The following PGAP1 variants were observed in gnomAD, a reference collection of about 807,000 sequenced individuals.
PGAP1 encodes the protein post-GPI attachment to proteins inositol deacylase 1, also known as GPI inositol-deacylase.
PGAP1 carries 76 observed loss-of-function variants against 127.0 expected under a neutral mutation model. The ratio of observed to expected loss-of-function variants is 0.60; its 90% CI spans 0.50 to 0.72. The LOEUF is 0.72. PGAP1 is among the 30% of genes least tolerant of loss of function. The probability of loss-of-function intolerance (pLI) is 0.00; values close to 1 mark genes in which losing one functional copy is unlikely to be tolerated. For synonymous variants in PGAP1, 362 were observed against 366.5 expected, an observed-to-expected ratio of 0.99 and a Z score of 0.14; for missense variants, 982 against 1,071.3, an observed-to-expected ratio of 0.92 and a Z score of 1.16.
rs7603016 is a variant in PGAP1, at chr2:196,867,219, A to T, written c.1768-2139T>A. ...TGCGGCACTGTTCACAATAGCAAAG[A>T]CTTGGAATCAACCCATCAATGATAG... On this transcript the variant is annotated intron_variant, in intron 19 of 26. Transcript: ENST00000354764. 3.1e-3 allele frequency among the ~76,000 whole-genome samples: 475 copies of T among 152,308 alleles called. 3 individuals are homozygous for T. Among genetic ancestry groups the T allele is most frequent in the African/African-American group, 0.011 (443 of 41,560 alleles).
intron 4 of PGAP1, among the ~76,000 whole-genome samples, chr2:196,911,813 T>C (rs926317277): frequency 6.6e-5 from 10 of 152,196 alleles, no homozygotes; most frequent in Admixed American, 6.5e-4. Flanking sequence ...TCTGTGACGT[T>C]ATCACTATTT....
intron 20 of PGAP1, among the ~76,000 whole-genome samples, chr2:196,850,151 AG>A (rs1256698015): frequency 6.6e-6 from 1 of 152,188 alleles, no homozygotes; most frequent in Non-Finnish European, 1.5e-5. Flanking sequence ...ATCCACTCCT[AG>A]AGCCCTCTAG....
At chr2:196,867,941 C>A (rs1701293414) in intron 19 of PGAP1, among the ~76,000 whole-genome samples, 1 of 152,144 alleles carries the variant, frequency 6.6e-6, no homozygotes, top group Non-Finnish European at 1.5e-5. Flanking sequence ...GGGAAAAGAC[C>A]ATTTTGCTAC....
At chr2:196,916,322 A>G in intron 3 of PGAP1, 96 bp downstream of exon 3, 1 of 1,166,306 alleles carries the variant, frequency 8.6e-7, no homozygotes. Flanking sequence ...TTCAACTTCC[A>G]TATAAACAAA....
chr2:196,913,988 C>G (rs995593551), intron 3 of PGAP1, among the ~76,000 whole-genome samples: 1 of 152,182 alleles, frequency 6.6e-6, no homozygotes, highest in Non-Finnish European at 1.5e-5. Context: ...CACTGAGTCT[C>G]TAATGAGCTT....
intron 3 of PGAP1, among the ~76,000 whole-genome samples, chr2:196,915,381 G>A (rs1324497531): frequency 1.3e-5 from 2 of 152,078 alleles, no homozygotes; most frequent in Non-Finnish European, 2.9e-5. Flanking sequence ...TCCTTCTCTT[G>A]AACTCTAGCC....
At chr2:196,871,365 A>G (rs1701404341) in intron 18 of PGAP1, among the ~76,000 whole-genome samples, 1 of 152,202 alleles carries the variant, frequency 6.6e-6, no homozygotes, top group South Asian at 2.1e-4. Flanking sequence ...CAACTTTTTG[A>G]TAATTAGGAA....
chr2:196,841,718 T>C (rs943090961), intron 26 of PGAP1, among the ~76,000 whole-genome samples: 1 of 151,930 alleles, frequency 6.6e-6, no homozygotes, highest in Non-Finnish European at 1.5e-5. Flanking sequence ...GGGGTTTCAC[T>C]GTGTTAGCCA....
At chr2:196,877,894 T>C (rs992765949) in intron 13 of PGAP1, among the ~76,000 whole-genome samples, 2 of 152,158 alleles carry the variant, frequency 1.3e-5, no homozygotes, top group African/African-American at 2.4e-5. Flanking sequence ...AATGTGGTCA[T>C]GGCAACTGAG....
chr2:196,905,107 G>A (rs994123547), intron 4 of PGAP1, among the ~76,000 whole-genome samples: 4 of 152,160 alleles, frequency 2.6e-5, no homozygotes, highest in Non-Finnish European at 4.4e-5. Context: ...TTCAGCCTGA[G>A]CCTTATAGAG....
In PGAP1 at chr2:196,873,565, A is replaced by T. The variant is rs1362867373; in HGVS notation, c.1515T>A (p.Phe505Leu). ...AGCACTTGCTTACCACGTTGATTTT[A>T]AAAGCTTGGTATATCTAATAGAGTT... ...LLNFGQIYQAFKINVVSKCSA... is the reference protein window; with the variant it reads ...LLNFGQIYQALKINVVSKCSA... The change falls in exon 16 of 27, where the codon TTT (phenylalanine) becomes TTA (leucine). Residue 505 changes from phenylalanine to leucine, a missense_variant. Coordinates refer to ENST00000354764, the MANE Select transcript of PGAP1 (RefSeq NM_024989.4). The T allele has an allele frequency of 1.2e-6, 2 of 1,611,210 alleles. No individual in the cohort carries two copies. Among genetic ancestry groups the T allele is most frequent in the South Asian group, 1.1e-5 (1 of 90,876 alleles).
At chr2:196,859,906 C>T (rs1045689396) in intron 20 of PGAP1, among the ~76,000 whole-genome samples, 1 of 151,476 alleles carries the variant, frequency 6.6e-6, no homozygotes, top group African/African-American at 2.4e-5. Context: ...TAACATTATA[C>T]AAAATGGGAA....
At position 196,842,737 on chromosome 2, in the gene PGAP1, C is replaced by G. The variant is rs1202995401; in HGVS notation, c.2614G>C (p.Val872Leu). Residue 872 changes from valine to leucine, a missense_variant, in exon 26 of 27, where the codon GTT (valine) becomes CTT (leucine). Transcript: ENST00000354764. Reference sequence around the variant, plus strand: ...CTACTGTACCTTGATTTTATTGAAACAGTGTAAGTATTTCCAAGAATTGCC... The same window carrying G: ...CTACTGTACCTTGATTTTATTGAAAGAGTGTAAGTATTTCCAAGAATTGCC... ...TMAILGNTYT[V>L]SIKSSKLLKT... is the part of the protein sequence containing the mutation. 2 of 1,548,632 alleles carry G rather than the reference C, an allele frequency of 1.3e-6. No individual in the cohort carries two copies. Among genetic ancestry groups the G allele is most frequent in the East Asian group, 2.3e-5 (1 of 43,130 alleles).
intron 5 of PGAP1, among the ~76,000 whole-genome samples, chr2:196,902,141 T>G (rs1039569606): frequency 6.6e-6 from 1 of 152,184 alleles, no homozygotes; most frequent in Non-Finnish European, 1.5e-5. Flanking sequence ...TGCCTCAACC[T>G]CCTGAGTAGC....
Position 196,841,279 on chromosome 2 carries a change from A to G in PGAP1, c.2724T>C (p.Phe908=), listed in dbSNP as rs112469537. The change falls in exon 27 of 27, where the codon TTT becomes TTC. Residue 908 remains phenylalanine, a synonymous_variant. Transcript: ENST00000354764. ...CATGGAGTAAAAGAGGAATGAAGAC[A>G]AAGCATGGAAGCCTATATAAATGTG... ...GSAHLYRLPC[F]VFIPLLLHAL... 6 of 1,613,974 alleles carry G rather than the reference A, an allele frequency of 3.7e-6. No homozygotes were observed. Among genetic ancestry groups the G allele is most frequent in the African/African-American group, 1.3e-5 (1 of 75,028 alleles).
intron 13 of PGAP1, 83 bp from the exon 14 acceptor site, chr2:196,875,904 TAA>T (rs1701554471): frequency 1.4e-6 from 1 of 693,066 alleles, no homozygotes; most frequent in Non-Finnish European, 2.5e-6. Flanking sequence ...GAGTGGAAAA[TAA>T]AAGTCTATAA....
chr2:196,892,393 T>C lies in PGAP1; in HGVS notation c.1042A>G (p.Met348Val), dbSNP rs909986806. 7 of 1,441,112 alleles carry C rather than the reference T, an allele frequency of 4.9e-6. No homozygotes were observed. Among genetic ancestry groups the C allele is most frequent in the Middle Eastern group, 3.5e-4 (2 of 5,662 alleles). The allele number at this position is 1,441,112 out of a possible 1,614,324, so 89.3% of individuals were successfully genotyped here. The change falls in exon 9 of 27, where the codon ATG (methionine) becomes GTG (valine). Residue 348 changes from methionine (M) to valine (V), a missense_variant. Physicochemically the swap from Met to Val is conservative, Grantham distance 21. Coordinates refer to ENST00000354764, the MANE Select transcript of PGAP1 (RefSeq NM_024989.4). ...TTGGACACTTTTACTAGAACCCACA[T>C]AGATGTCCCTGAAGGTAAAGGAAAT... is the stretch of plus-strand genomic sequence containing the variant. ...AIISDLTGTSMWVLVKVSKWT... is the reference protein window; with the variant it reads ...AIISDLTGTSVWVLVKVSKWT...
intron 1 of PGAP1, chr2:196,922,045 T>C (rs1703213343): frequency 3.6e-5 from 28 of 781,408 alleles, no homozygotes; most frequent in Non-Finnish European, 4.5e-5. Context: ...TATAAATTTT[T>C]TATTCTATGT....
chr2:196,912,940 A>G lies in PGAP1; in HGVS notation c.591T>C (p.Leu197=). Residue 197 remains leucine, a synonymous_variant, in exon 4 of 27, where the codon CTT becomes CTC. Transcript: ENST00000354764. The part of the protein sequence containing the change: ...KNFKHDLINL[L]ITQATPHVAP... Reference sequence around the variant, plus strand: ...CAACATGAGGTGTGGCTTGTGTAATAAGAAGATTTATCAGATCATGCTTAA... The same window carrying G: ...CAACATGAGGTGTGGCTTGTGTAATGAGAAGATTTATCAGATCATGCTTAA... 6.2e-7 allele frequency: 1 copy of G among 1,613,874 alleles called. No individual in the cohort carries two copies. Among genetic ancestry groups the G allele is most frequent in the Non-Finnish European group, 8.5e-7 (1 of 1,179,880 alleles).
Sources: gnomAD v4.1 joint callset for allele counts (sites outside exome capture counted in the v4.1 genomes callset) on GRCh38, gnomAD v4.1.1 for gene constraint, MANE v1.5 for transcripts, NCBI Gene and HGNC (gene_info 2026-07-23, HGNC 2026-07-21) for gene names.